Variants in XYLB observed in about 807,000 individuals in gnomAD.
XYLB encodes the protein xylulokinase.
In XYLB, 62 loss-of-function variants were observed where a neutral mutation model predicts 78.7. The observed-to-expected ratio is 0.79, with a 90% CI of 0.64 to 0.97. The LOEUF (loss-of-function observed/expected upper bound fraction) is 0.97, where lower values mean the gene tolerates loss of function less well. Ranked by LOEUF, XYLB falls within the 50% of genes least tolerant of loss-of-function variation. XYLB has a pLI of 0.00. For synonymous variants in XYLB, 245 were observed against 247.4 expected (o/e 0.99, Z 0.09); for missense variants, 687 against 676.8 (o/e 1.02, Z -0.17).
chr3:38,358,972 A>C (rs1705825449), intron 2 of XYLB, among the ~76,000 whole-genome samples: 1 of 152,232 alleles, frequency 6.6e-6, no homozygotes, highest in Admixed American at 6.5e-5. Context: ...TTACCGAGAC[A>C]AGCTCGGTTG....
intron 1 of XYLB, 58 bp from the exon 2 acceptor site, chr3:38,348,491 CT>C (rs1705187688): frequency 6.4e-7 from 1 of 1,556,628 alleles, no homozygotes; most frequent in Admixed American, 1.7e-5. Flanking sequence ...TTAGTACCCC[CT>C]GGACCAGTGT....
At chr3:38,360,073 T>A (rs1705883956) in intron 2 of XYLB, among the ~76,000 whole-genome samples, 1 of 152,160 alleles carries the variant, frequency 6.6e-6, no homozygotes, top group Admixed American at 6.5e-5. Context: ...TGCACTCCCC[T>A]AGGGTGAGCC....
chr3:38,413,650 C>G lies in XYLB; in HGVS notation c.*637C>G, dbSNP rs1039656002. ...TCCTTTCACCATCTCTCCTCTCCCC[C>G]TCCTTCATCTCTCCTCCCTCCCCAA... On this transcript the variant is annotated 3_prime_UTR_variant, in exon 19 of 19. Coordinates refer to ENST00000207870, the MANE Select transcript of XYLB (RefSeq NM_005108.4). 1 of 152,236 alleles carries G rather than the reference C, an allele frequency of 6.6e-6. No individual in the cohort carries two copies. The highest frequency in any genetic ancestry group is 2.4e-5 in the African/African-American group (1 of 41,392). 9.4% of individuals were successfully genotyped at this position (152,236 alleles called of 1,614,324 possible). A position where few individuals can be genotyped will look rare whatever the true frequency, so the allele number is the denominator to read the frequency against.
chr3:38,346,967 G>A (rs757697621), intron 1 of XYLB, 42 bp downstream of exon 1: 6 of 1,413,754 alleles, frequency 4.2e-6, no homozygotes, highest in Non-Finnish European at 5.6e-6. Flanking sequence ...CGCCTCCTCC[G>A]CTTCGGTGGG....
At chr3:38,405,601 G>A (rs1369211357) in intron 18 of XYLB, among the ~76,000 whole-genome samples, 7 of 152,252 alleles carry the variant, frequency 4.6e-5, no homozygotes, top group Non-Finnish European at 8.8e-5. Flanking sequence ...CTCGAGAAGT[G>A]CAAGGGGTCA....
At chr3:38,442,595 G>A in the XYLB span, among the ~76,000 whole-genome samples, 3 of 152,282 alleles carry the variant, frequency 2.0e-5, no homozygotes, top group East Asian at 5.8e-4. Flanking sequence ...GCAGGATATA[G>A]GGGTTGGGTA....
chr3:38,453,033 G>A, the XYLB span: 2 of 152,180 alleles, frequency 1.3e-5, no homozygotes, highest in East Asian at 1.9e-4. Context: ...ACGTTCCTCC[G>A]AAGCTCTAGT....
At chr3:38,403,105 T>C (rs958659367) in intron 18 of XYLB, among the ~76,000 whole-genome samples, 1 of 151,974 alleles carries the variant, frequency 6.6e-6, no homozygotes, top group African/African-American at 2.4e-5. Flanking sequence ...GAGACCAGCC[T>C]GGGCAGCATG....
chr3:38,411,527 T>C (rs977045343), intron 18 of XYLB, among the ~76,000 whole-genome samples: 2 of 145,274 alleles, frequency 1.4e-5, no homozygotes, highest in Admixed American at 1.4e-4. Context: ...ACTTAAAGTA[T>C]AAAAAAAAAA....
chr3:38,361,503 C>A (rs891900285), intron 3 of XYLB, among the ~76,000 whole-genome samples: 4 of 152,100 alleles, frequency 2.6e-5, no homozygotes, highest in African/African-American at 9.7e-5. Flanking sequence ...GGATTTTATC[C>A]AGATAAACTG....
rs1705193144 is a variant in XYLB, at chr3:38,348,585, C to A, written c.93C>A (p.Val31=). The A allele has an allele frequency of 1.9e-6, 3 of 1,614,018 alleles. No homozygotes were observed. The South Asian group carries it at 3.3e-5, about 18-fold the overall frequency. ...KVVAVDAELN[V]FYEESVHFDR... is the part of the protein sequence containing the mutation. ...TTGCTGTTGATGCAGAGTTGAATGT[C>A]TTCTATGAGGAAAGTGTGCATTTTG... Residue 31 remains valine, a synonymous_variant, in exon 2 of 19, where the codon GTC becomes GTA. Coordinates refer to ENST00000207870, the MANE Select transcript of XYLB (RefSeq NM_005108.4).
intron 17 of XYLB, among the ~76,000 whole-genome samples, chr3:38,398,645 C>CCTGT (rs562331052): frequency 7.2e-6 from 1 of 138,974 alleles, no homozygotes; most frequent in Non-Finnish European, 1.6e-5. Context: ...TATGAGTCTG[C>CCTGT]CTGCCTGCCT....
the XYLB span, among the ~76,000 whole-genome samples, chr3:38,444,169 T>C: frequency 6.6e-6 from 1 of 152,168 alleles, no homozygotes. Context: ...CTGTAGGACA[T>C]CTATATACCT....
the XYLB span, among the ~76,000 whole-genome samples, chr3:38,448,043 C>T: frequency 6.6e-6 from 1 of 151,898 alleles, no homozygotes; most frequent in South Asian, 2.1e-4. Context: ...ATAGTGAGAC[C>T]TTGTCTCATA....
At chr3:38,351,773 T>C (rs1559569069) in intron 2 of XYLB, among the ~76,000 whole-genome samples, 1 of 152,266 alleles carries the variant, frequency 6.6e-6, no homozygotes, top group Non-Finnish European at 1.5e-5. Flanking sequence ...ATCATAATTA[T>C]GTATGCTTTT....
chr3:38,437,732 C>G, the XYLB span, among the ~76,000 whole-genome samples: 3 of 151,760 alleles, frequency 2.0e-5, no homozygotes, highest in Non-Finnish European at 4.4e-5. Context: ...TCACTTAAGG[C>G]CAGGAGTCCA....
intron 2 of XYLB, among the ~76,000 whole-genome samples, chr3:38,357,462 C>T (rs912303915): frequency 2.2e-4 from 33 of 151,710 alleles, no homozygotes; most frequent in African/African-American, 7.7e-4. Flanking sequence ...TCTCGGCTCA[C>T]TGCAAGCTCC....
the XYLB span, among the ~76,000 whole-genome samples, chr3:38,449,357 G>A: frequency 2.6e-5 from 4 of 152,070 alleles, no homozygotes; most frequent in Non-Finnish European, 1.5e-5. Flanking sequence ...TCTTGACCTC[G>A]TGATCCACCT....
chr3:38,390,829 T>C (rs1271174455), intron 15 of XYLB, among the ~76,000 whole-genome samples: 2 of 152,232 alleles, frequency 1.3e-5, no homozygotes, highest in Non-Finnish European at 2.9e-5. Flanking sequence ...AGTCAGTTTA[T>C]TGTGAAAAAT....
Sources: allele counts gnomAD v4.1 joint callset (sites outside exome capture counted in the v4.1 genomes callset), GRCh38; gene constraint gnomAD v4.1.1; transcripts MANE v1.5; gene names NCBI Gene and HGNC (gene_info 2026-07-23, HGNC 2026-07-21).